RELT: variants seen among roughly 807,000 people sequenced by gnomAD.
RELT encodes the protein RELT TNF receptor, also known as tumor necrosis factor receptor superfamily member 19L.
A neutral mutation model predicts 51.1 loss-of-function variants in RELT; 37 were observed. The ratio of observed to expected loss-of-function variants is 0.72; its 90% confidence interval spans 0.56 to 0.95. The LOEUF (loss-of-function observed/expected upper bound fraction) is 0.95. Among genes scored for constraint, RELT ranks in the 40% least tolerant of loss-of-function variants. The pLI, the probability that RELT is intolerant of heterozygous loss-of-function variation, is 0.00. For synonymous variants in RELT, 241 were observed against 235.7 expected, an observed-to-expected ratio of 1.02 and a Z score of -0.21; for missense variants, 535 against 572.6, an observed-to-expected ratio of 0.93 and a Z score of 0.67.
chr11:73,379,599 G>A (rs941687034), intron 1 of RELT, among the ~76,000 whole-genome samples: 1 of 152,174 alleles, frequency 6.6e-6, no homozygotes, highest in African/African-American at 2.4e-5. Context: ...TTCCAGACGC[G>A]GTACCTGCCT....
intron 1 of RELT, among the ~76,000 whole-genome samples, chr11:73,385,034 C>T (rs1370610019): frequency 1.3e-5 from 2 of 151,880 alleles, no homozygotes; most frequent in East Asian, 1.9e-4. Flanking sequence ...GGTGGGGGCG[C>T]GTCACGACGC....
At chr11:73,395,049 C>G (rs1469274577) in intron 9 of RELT, 38 bp from the exon 10 acceptor site, 2 of 1,555,766 alleles carry the variant, frequency 1.3e-6, no homozygotes, top group African/African-American at 2.7e-5. Context: ...GCCCCGGGAT[C>G]CCCGCTAACG....
chr11:73,384,174 C>G (rs189661999), intron 1 of RELT, among the ~76,000 whole-genome samples: 69 of 152,286 alleles, frequency 4.5e-4, no homozygotes, highest in African/African-American at 1.3e-3. Context: ...TGAGACCGAA[C>G]TGTTCATTCT....
In RELT at chr11:73,386,466, C is replaced by T. The variant is rs116660712; in HGVS notation, c.-25-2646C>T. On this transcript the variant is annotated intron_variant, in intron 1 of 10. Transcript: ENST00000064780. ...GCAGGGTGTGAGGGGTGCTGAGCAG[C>T]AGGTGTGGACATGTGTGTGCACCAG... Among the ~76,000 whole-genome samples the T allele has an allele frequency of 3.9e-3, 599 of 152,268 alleles. 9 individuals are homozygous for T. Among genetic ancestry groups the T allele is most frequent in the African/African-American group, 0.013 (544 of 41,554 alleles).
chr11:73,385,169 C>T (rs1866105260), intron 1 of RELT, among the ~76,000 whole-genome samples: 1 of 152,048 alleles, frequency 6.6e-6, no homozygotes, highest in African/African-American at 2.4e-5. Flanking sequence ...GCAATGGGCG[C>T]AGGCCTTGGG....
intron 1 of RELT, among the ~76,000 whole-genome samples, chr11:73,383,693 C>T (rs181016757): frequency 1.1e-4 from 16 of 152,326 alleles, no homozygotes; most frequent in African/African-American, 2.6e-4. Context: ...GTGTGACCCC[C>T]GCCAGTGACC....
chr11:73,380,394 G>A (rs1353470517), intron 1 of RELT, among the ~76,000 whole-genome samples: 1 of 152,290 alleles, frequency 6.6e-6, no homozygotes, highest in Non-Finnish European at 1.5e-5. Context: ...CATGGTCCTC[G>A]ACATCTTGAG....
intron 1 of RELT, chr11:73,376,761 C>T (rs1865973442): frequency 6.6e-6 from 1 of 152,076 alleles, no homozygotes; most frequent in African/African-American, 2.4e-5. Context: ...CGGGCCGGCC[C>T]TGCGTGGTGG....
chr11:73,394,588 GA>G lies in RELT; in HGVS notation c.902del (p.Lys301ArgfsTer13). 1 of 1,613,194 alleles carries G rather than the reference GA, an allele frequency of 6.2e-7. No individual in the cohort carries two copies. Among genetic ancestry groups the G allele is most frequent in the Non-Finnish European group, 8.5e-7 (1 of 1,180,006 alleles). ...GCCCCTGCTGCTCCCGCTGTAGCCA[GA>G]AGAAGTGGCCCGAGGTGCTGCTGTC... ...SGPCCSRCSQKKWPEVLLSPE... is the reference protein window; with the variant it reads ...SGPCCSRCSQXKWPEVLLSPE... On this transcript the variant is annotated frameshift_variant, in exon 9 of 11. Coordinates refer to ENST00000064780, the MANE Select transcript of RELT (RefSeq NM_152222.2). LOFTEE classifies it high-confidence loss of function. This position sits in a 1 kb window ranked among gnomAD's most constrained non-coding sequence, Gnocchi z 4.9.
chr11:73,390,629 A>G lies in RELT; in HGVS notation c.120+4A>G. On this transcript the variant is annotated splice_donor_region_variant and intron_variant, in intron 3 of 10. Transcript: ENST00000064780. ...ACCTGGGGAGGAGCCCGACCTGGTG[A>G]GCATTGCCCTGCTCTCCTGCCTGTC... is the stretch of plus-strand genomic sequence containing the variant. The G allele has an allele frequency of 6.2e-7, 1 of 1,613,664 alleles. No individual in the cohort carries two copies. The highest frequency in any genetic ancestry group is 8.5e-7 in the Non-Finnish European group (1 of 1,179,874).
Position 73,388,904 on chromosome 11 carries a change from G to T in RELT, c.-25-208G>T, listed in dbSNP as rs1565221246. On this transcript the variant is annotated intron_variant, in intron 1 of 10. Coordinates refer to ENST00000064780, the MANE Select transcript of RELT (RefSeq NM_152222.2). The surrounding 1 kb of genome is among the most constrained non-coding windows in gnomAD (Gnocchi z 4.1). ...TTCTTCCTGCCTTCCTGCCTGTGCT[G>T]CCCCGTGAGGCCGGCTCCCAGGCAG... Among the ~76,000 whole-genome samples the T allele has an allele frequency of 6.6e-6, 1 of 152,310 alleles. No homozygotes were observed. The highest frequency in any genetic ancestry group is 2.1e-4 in the South Asian group (1 of 4,830).
rs748761671 is a variant in RELT at position 73,395,101 on chromosome 11, G to T, written c.1061G>T (p.Arg354Leu). The change falls in exon 10 of 11, where the codon CGA (arginine) becomes CTA (leucine). Residue 354 changes from arginine (R) to leucine (L), a missense_variant. Transcript: ENST00000064780. Reference protein sequence around the residue: ...ILSVGRFRVARIPEQRTSSMV... With the variant: ...ILSVGRFRVALIPEQRTSSMV... ...TCTCCTCACAGGTTCCGCGTGGCTCGAATTCCTGAGCAGCGGACAAGTTCA... is the reference window on the plus strand; with the variant it reads ...TCTCCTCACAGGTTCCGCGTGGCTCTAATTCCTGAGCAGCGGACAAGTTCA... 1.1e-5 allele frequency: 17 copies of T among 1,613,418 alleles called. No homozygotes were observed. Among genetic ancestry groups the T allele is most frequent in the Non-Finnish European group, 1.4e-5 (17 of 1,179,944 alleles).
rs139955573 is a variant in RELT at position 73,391,906 on chromosome 11, C to T, written c.368-305C>T. ...CCAGGCCACAGGGAGGCAGATCCCA[C>T]GTCCCTGTGCCCAGACATGTGTCCT... On this transcript the variant is annotated intron_variant, in intron 5 of 10. Coordinates refer to ENST00000064780, the MANE Select transcript of RELT (RefSeq NM_152222.2). The T allele has an allele frequency of 5.6e-3, 2,847 of 506,654 alleles. 41 individuals carry two copies. The highest frequency in any genetic ancestry group is 5.0e-3 in the Non-Finnish European group (1,391 of 278,728). 31.4% of individuals were successfully genotyped at this position (506,654 alleles called of 1,614,324 possible). A position where few individuals can be genotyped will look rare whatever the true frequency, so the allele number is the denominator to read the frequency against.
chr11:73,377,269 A>AGTGTGTGTGTGT (rs369117500), intron 1 of RELT, among the ~76,000 whole-genome samples: 1,674 of 146,138 alleles, frequency 0.011, 40 homozygotes, highest in African/African-American at 0.04. Context: ...AAGTGGTGTC[A>AGTGTGTGTGTGT]GTGTGTGTGT....
rs375124634 is a variant in RELT at position 73,395,004 on chromosome 11, G to T, written c.1047-83G>T. ...GGCTAAGGCTCTGGTCCATGAACTT[G>T]CTGTGTGACCCCGGGCACGTGCTGC... is the stretch of plus-strand genomic sequence containing the variant. On this transcript the variant is annotated intron_variant, in intron 9 of 10. Transcript: ENST00000064780. 3 of 1,251,092 alleles carry T rather than the reference G, an allele frequency of 2.4e-6. No homozygotes were observed. The African/African-American group carries it at 4.4e-5, about 18-fold the overall frequency. The allele number at this position is 1,251,092 out of a possible 1,614,324, so 77.5% of individuals were successfully genotyped here.
intron 1 of RELT, among the ~76,000 whole-genome samples, chr11:73,383,240 T>C (rs1866075865): frequency 6.6e-6 from 1 of 152,208 alleles, no homozygotes; most frequent in South Asian, 2.1e-4. Context: ...TGAGTGGCCC[T>C]GAGCCAGCCT....
Position 73,394,318 on chromosome 11 carries a change from G to A in RELT, c.788+1G>A. 1 of 1,613,204 alleles carries A rather than the reference G, an allele frequency of 6.2e-7. No individual in the cohort carries two copies. The highest frequency in any genetic ancestry group is 8.5e-7 in the Non-Finnish European group (1 of 1,179,924). On this transcript the variant is annotated splice_donor_variant, in intron 8 of 10. Transcript: ENST00000064780. LOFTEE classifies it high-confidence loss of function. The surrounding 1 kb of genome is among the most constrained non-coding windows in gnomAD (Gnocchi z 4.9). Reference sequence around the variant, plus strand: ...AGACGAGCCACAGGCCTGTGTCCAAGTGAGTGGGCTGGTGGGAGATAACGG... The same window carrying A: ...AGACGAGCCACAGGCCTGTGTCCAAATGAGTGGGCTGGTGGGAGATAACGG...
intron 2 of RELT, 100 bp downstream of exon 2, chr11:73,389,281 G>A: frequency 7.6e-6 from 6 of 790,062 alleles, no homozygotes; most frequent in Non-Finnish European, 1.2e-5. Context: ...CCCCCTGCTG[G>A]GCAGGGCTCA....
At chr11:73,377,889 C>T (rs953442454) in intron 1 of RELT, among the ~76,000 whole-genome samples, 6 of 152,048 alleles carry the variant, frequency 3.9e-5, no homozygotes, top group African/African-American at 1.4e-4. Context: ...AGGGGCTGCA[C>T]TCAGGGGCTA....
Sources: allele counts gnomAD v4.1 joint callset (sites outside exome capture counted in the v4.1 genomes callset), GRCh38; gene constraint gnomAD v4.1.1; non-coding constraint Gnocchi (gnomAD v3.1); transcripts MANE v1.5; gene names NCBI Gene and HGNC (gene_info 2026-07-23, HGNC 2026-07-21).